OXSM: variants seen among roughly 807,000 people sequenced by gnomAD.
The protein encoded by OXSM is 3-oxoacyl-ACP synthase, mitochondrial, also known as 3-oxoacyl-[acyl-carrier-protein] synthase, mitochondrial.
In OXSM, 19 loss-of-function variants were observed where a neutral mutation model predicts 29.2. The ratio of observed to expected loss-of-function variants is 0.65; its 90% confidence interval spans 0.45 to 0.96. The LOEUF (loss-of-function observed/expected upper bound fraction) is 0.96, where lower values mean the gene tolerates loss of function less well. Ranked by LOEUF, OXSM falls within the 40% of genes least tolerant of loss-of-function variation. OXSM has a pLI of 0.00. For synonymous variants in OXSM, 178 were observed against 197.1 expected, an observed-to-expected ratio of 0.90 and a Z score of 0.81; for missense variants, 554 against 551.3, an observed-to-expected ratio of 1.00 and a Z score of -0.05.
intron 2 of OXSM, among the ~76,000 whole-genome samples, chr3:25,792,596 C>T (rs917537828): frequency 6.6e-6 from 1 of 152,144 alleles, no homozygotes; most frequent in African/African-American, 2.4e-5. Flanking sequence ...CTCACCTCAG[C>T]TTCCTGAGTA....
chr3:25,791,549 C>T lies in OXSM; in HGVS notation c.529C>T (p.Pro177Ser). Residue 177 changes from proline to serine, a missense_variant, in exon 2 of 3, where the codon CCA becomes TCA. By Grantham distance (74) the Pro-to-Ser change is moderately conservative. Transcript: ENST00000280701. ...FQTKGYNKVS[P>S]FFVPKILVNM... ...GACAAAAGGTTACAATAAAGTTAGC[C>T]CATTTTTTGTCCCTAAGATTCTGGT... 1 of 1,614,156 alleles carries T rather than the reference C, an allele frequency of 6.2e-7. No homozygotes were observed.
intron 1 of OXSM, chr3:25,790,532 G>A (rs1219798614): frequency 6.1e-6 from 1 of 163,056 alleles, no homozygotes; most frequent in Non-Finnish European, 1.3e-5. Flanking sequence ...GCCCTGGGTA[G>A]CGTTTTGAAA....
rs548343656 is a variant in OXSM, at chr3:25,792,578, G to A, written c.977+581G>A. ...TGCAGTCTCTAACTCCTGGGCTCAA[G>A]CAATCCTCTCACCTCAGCTTCCTGA... On this transcript the variant is annotated intron_variant, in intron 2 of 2. Coordinates refer to ENST00000280701, the MANE Select transcript of OXSM (RefSeq NM_017897.3). 3.9e-5 allele frequency among the ~76,000 whole-genome samples: 6 copies of A among 152,222 alleles called. No homozygotes were observed. In the South Asian group the frequency reaches 1.2e-3, roughly 32 times the overall value.
At chr3:25,794,027 C>G in intron 2 of OXSM, 65 bp from the exon 3 acceptor site, 1 of 1,410,782 alleles carries the variant, frequency 7.1e-7, no homozygotes, top group Non-Finnish European at 9.6e-7. Flanking sequence ...ATAAGCCATA[C>G]AGATAAAGAG....
At position 25,791,449 on chromosome 3, in the gene OXSM, A is replaced by C. The variant is rs774084673; in HGVS notation, c.429A>C (p.Gln143His). 6.2e-7 allele frequency: 1 copy of C among 1,614,228 alleles called. No homozygotes were observed. The highest frequency in any genetic ancestry group is 2.2e-5 in the East Asian group (1 of 44,884). Residue 143 changes from glutamine (Q) to histidine (H), a missense_variant, in exon 2 of 3, where the codon CAA (glutamine) becomes CAC (histidine). By Grantham distance (24) the Gln-to-His change is conservative (BLOSUM62 0). Coordinates refer to ENST00000280701, the MANE Select transcript of OXSM (RefSeq NM_017897.3). Reference sequence around the variant, plus strand: ...GGCATCCTCAGTCAGAAGCTGATCAAGTGGCTACTGGTGTTGCAATTGGCA... The same window carrying C: ...GGCATCCTCAGTCAGAAGCTGATCACGTGGCTACTGGTGTTGCAATTGGCA... Reference protein sequence around the residue: ...SGWHPQSEADQVATGVAIGMG... With the variant: ...SGWHPQSEADHVATGVAIGMG...
At chr3:25,792,148 C>T in intron 2 of OXSM, 151 bp downstream of exon 2, 1 of 659,764 alleles carries the variant, frequency 1.5e-6, no homozygotes, top group Non-Finnish European at 2.5e-6. Flanking sequence ...TAGTTCTTTG[C>T]TTAAGACATT....
In OXSM at chr3:25,790,160, A is replaced by G. The variant is rs1275092211; in HGVS notation, c.-32+13A>G. ...AGCCCCGTTACAGGTATCGCTGGCT[A>G]CCCTCCTCCTTCGCCCCTCCTTTCC... On this transcript the variant is annotated intron_variant, in intron 1 of 2. Coordinates refer to ENST00000280701, the MANE Select transcript of OXSM (RefSeq NM_017897.3). 9 of 495,566 alleles carry G rather than the reference A, an allele frequency of 1.8e-5. No individual in the cohort carries two copies. The highest frequency in any genetic ancestry group is 2.5e-5 in the Non-Finnish European group (7 of 278,316). 30.7% of individuals were successfully genotyped at this position (495,566 alleles called of 1,614,324 possible).
chr3:25,792,062 T>G (rs757237825), intron 2 of OXSM, 65 bp downstream of exon 2: 76 of 1,426,352 alleles, frequency 5.3e-5, no homozygotes, highest in Admixed American at 8.1e-5. Flanking sequence ...GAATCCCAAA[T>G]TAGGGAAGTT....
At chr3:25,793,523 A>G (rs976260032) in intron 2 of OXSM, among the ~76,000 whole-genome samples, 3 of 152,168 alleles carry the variant, frequency 2.0e-5, no homozygotes, top group African/African-American at 7.2e-5. Context: ...AGGTCCTTTT[A>G]GATATAATTT....
Position 25,794,457 on chromosome 3 carries a change from G to A in OXSM, c.1343G>A (p.Gly448Asp), listed in dbSNP as rs1482837423. Residue 448 changes from glycine to aspartate, a missense_variant, in exon 3 of 3, where the codon GGT (glycine) becomes GAT (aspartate). By Grantham distance (94) the Gly-to-Asp change is moderately conservative. Transcript: ENST00000280701. ...FIGLTNSFGF[G>D]GTNATLCIAG... ...GGCCTCACCAATTCCTTTGGTTTTGGTGGTACTAATGCAACACTTTGTATT... is the reference window on the plus strand; with the variant it reads ...GGCCTCACCAATTCCTTTGGTTTTGATGGTACTAATGCAACACTTTGTATT... 6.2e-7 allele frequency: 1 copy of A among 1,613,246 alleles called. No homozygotes were observed. Among genetic ancestry groups the A allele is most frequent in the African/African-American group, 1.3e-5 (1 of 74,910 alleles).
rs746677358 is a variant in OXSM at position 25,791,769 on chromosome 3, G to C, written c.749G>C (p.Arg250Thr). 6.2e-7 allele frequency: 1 copy of C among 1,614,166 alleles called. No individual in the cohort carries two copies. The highest frequency in any genetic ancestry group is 8.5e-7 in the Non-Finnish European group (1 of 1,180,024). ...ISPLSLAGFS[R>T]ARALSTNSDP... ...CCTTTATCTCTTGCTGGGTTTTCCAGAGCCCGGGCTCTGAGCACAAACTCA... is the reference window on the plus strand; with the variant it reads ...CCTTTATCTCTTGCTGGGTTTTCCACAGCCCGGGCTCTGAGCACAAACTCA... The change falls in exon 2 of 3, where the codon AGA (arginine) becomes ACA (threonine). Residue 250 changes from arginine to threonine, a missense_variant. Transcript: ENST00000280701.
chr3:25,791,459 G>A lies in OXSM; in HGVS notation c.439G>A (p.Gly147Ser). Residue 147 changes from glycine to serine, a missense_variant, in exon 2 of 3, where the codon GGT becomes AGT. Coordinates refer to ENST00000280701, the MANE Select transcript of OXSM (RefSeq NM_017897.3). The stretch of plus-strand genomic sequence containing the variant: ...GTCAGAAGCTGATCAAGTGGCTACT[G>A]GTGTTGCAATTGGCATGGGAATGAT... ...PQSEADQVAT[G>S]VAIGMGMIPL... is the part of the protein sequence containing the mutation. 6.2e-7 allele frequency: 1 copy of A among 1,614,124 alleles called. No individual in the cohort carries two copies. The highest frequency in any genetic ancestry group is 2.2e-5 in the East Asian group (1 of 44,882).
chr3:25,791,351 G>C lies in OXSM; in HGVS notation c.331G>C (p.Asp111His), dbSNP rs1708745819. 9 of 1,614,040 alleles carry C rather than the reference G, an allele frequency of 5.6e-6. No homozygotes were observed. The highest frequency in any genetic ancestry group is 6.8e-6 in the Non-Finnish European group (8 of 1,180,022). ...FNEQNFVSKS[D>H]IKSMSSPTIM... ...TGAACAAAACTTTGTGTCCAAATCA[G>C]ATATCAAGTCCATGTCTTCTCCCAC... The change falls in exon 2 of 3, where the codon GAT becomes CAT. Residue 111 changes from aspartate (D) to histidine (H), a missense_variant. By Grantham distance (81) the Asp-to-His change is moderately conservative. Transcript: ENST00000280701.
At position 25,794,103 on chromosome 3, in the gene OXSM, CT is replaced by C. The variant is rs1479290343; in HGVS notation, c.990del (p.Ala331LeufsTer2). The C allele has an allele frequency of 6.2e-7, 1 of 1,611,038 alleles. No homozygotes were observed. ...EGEGALRCMA[A>X]ALKDAGVQPE... ...TCTTGTTTTATTAGGTGTATGGCTG[CT>C]GCTTTAAAAGATGCAGGTGTGCAGC... is the stretch of plus-strand genomic sequence containing the variant. On this transcript the variant is annotated frameshift_variant, in exon 3 of 3. Coordinates refer to ENST00000280701, the MANE Select transcript of OXSM (RefSeq NM_017897.3). LOFTEE classifies it high-confidence loss of function.
In OXSM at chr3:25,792,007, G is replaced by A; in HGVS notation, c.977+10G>A. On this transcript the variant is annotated intron_variant, in intron 2 of 2. Transcript: ENST00000280701. The stretch of plus-strand genomic sequence containing the variant: ...GAGAAGGTGCCTTAAGGTAAAGATG[G>A]GTTATTTCCTTCGAAATATTTCTTC... 6.4e-7 allele frequency: 1 copy of A among 1,574,696 alleles called. No individual in the cohort carries two copies.
chr3:25,794,123 G>A lies in OXSM; in HGVS notation c.1009G>A (p.Val337Met), dbSNP rs1415497011. The A allele has an allele frequency of 1.9e-6, 3 of 1,613,852 alleles. No individual in the cohort carries two copies. The highest frequency in any genetic ancestry group is 3.3e-5 in the Admixed American group (2 of 59,996). The stretch of plus-strand genomic sequence containing the variant: ...GGCTGCTGCTTTAAAAGATGCAGGT[G>A]TGCAGCCTGAGGAGATATCCTATAT... ...CMAAALKDAG[V>M]QPEEISYINA... Residue 337 changes from valine to methionine, a missense_variant, in exon 3 of 3, where the codon GTG becomes ATG. Transcript: ENST00000280701.
rs1708749628 is a variant in OXSM, at chr3:25,791,454, CT to C, written c.435del (p.Thr146LeufsTer9). ...CCTCAGTCAGAAGCTGATCAAGTGG[CT>C]ACTGGTGTTGCAATTGGCATGGGAA... ...WHPQSEADQV[A>X]TGVAIGMGMI... On this transcript the variant is annotated frameshift_variant, in exon 2 of 3. Coordinates refer to ENST00000280701, the MANE Select transcript of OXSM (RefSeq NM_017897.3). LOFTEE classifies it high-confidence loss of function. 6.2e-7 allele frequency: 1 copy of C among 1,614,022 alleles called. No individual in the cohort carries two copies. Among genetic ancestry groups the C allele is most frequent in the African/African-American group, 1.3e-5 (1 of 74,930 alleles).
intron 2 of OXSM, 104 bp from the exon 3 acceptor site, chr3:25,793,988 G>T (rs1311534001): frequency 3.3e-6 from 3 of 919,932 alleles, no homozygotes; most frequent in Non-Finnish European, 4.9e-6. Flanking sequence ...TTTTCATCCA[G>T]TGTACTTGGA....
At position 25,791,914 on chromosome 3, in the gene OXSM, C is replaced by G. The variant is rs1708766363; in HGVS notation, c.894C>G (p.Ile298Met). The G allele has an allele frequency of 1.2e-6, 2 of 1,603,972 alleles. No individual in the cohort carries two copies. The highest frequency in any genetic ancestry group is 1.7e-6 in the Non-Finnish European group (2 of 1,179,946). ...ATGCTGTTCAAAGAAGAGCCCGGAT[C>G]TATGCAGAAGTTTTGGGCTATGGAC... ...YEHAVQRRAR[I>M]YAEVLGYGLS... is the part of the protein sequence containing the mutation. Residue 298 changes from isoleucine (I) to methionine (M), a missense_variant, in exon 2 of 3, where the codon ATC becomes ATG. Physicochemically the swap from Ile to Met is conservative, Grantham distance 10. Transcript: ENST00000280701.
Sources: gnomAD v4.1 joint callset for allele counts (sites outside exome capture counted in the v4.1 genomes callset) on GRCh38, gnomAD v4.1.1 for gene constraint, MANE v1.5 for transcripts, NCBI Gene and HGNC (gene_info 2026-07-23, HGNC 2026-07-21) for gene names.